Variants in RABGAP1L observed in about 807,000 individuals in gnomAD.
RABGAP1L encodes the protein rab GTPase-activating protein 1-like.
RABGAP1L carries 63 observed loss-of-function variants against 137.7 expected under a neutral mutation model. The observed-to-expected ratio is 0.46, with a 90% CI of 0.37 to 0.56. The LOEUF is 0.56. Ranked by LOEUF, RABGAP1L falls within the 20% of genes least tolerant of loss-of-function variation. The probability of loss-of-function intolerance (pLI) is 0.00; values close to 1 mark genes in which losing one functional copy is unlikely to be tolerated. For synonymous variants in RABGAP1L, 431 were observed against 433.7 expected (o/e 0.99, Z 0.08); for missense variants, 1,095 against 1,244.0 (o/e 0.88, Z 1.80).
chr1:174,688,399 A>G (rs1678634862), intron 15 of RABGAP1L, among the ~76,000 whole-genome samples: 1 of 152,114 alleles, frequency 6.6e-6, no homozygotes, highest in Non-Finnish European at 1.5e-5. Context: ...TGGCATTTAT[A>G]GAAGCTTTCC....
In RABGAP1L at chr1:174,247,302, A is replaced by G. The variant is rs192570850; in HGVS notation, c.718-3173A>G. On this transcript the variant is annotated intron_variant, in intron 5 of 25. Coordinates refer to ENST00000681986, the MANE Select transcript of RABGAP1L (RefSeq NM_001366446.1). ...CAGGTGTTCTCCTGTTTTCACATAC[A>G]GTGCTTTCTTAAAAATACGCTTAAG... Among the ~76,000 whole-genome samples, 243 of 152,308 alleles carry G rather than the reference A, an allele frequency of 1.6e-3. 1 individual carries two copies. The highest frequency in any genetic ancestry group is 5.3e-3 in the African/African-American group (221 of 41,550).
chr1:174,952,517 A>G (rs1003115979), intron 19 of RABGAP1L, among the ~76,000 whole-genome samples: 1 of 152,018 alleles, frequency 6.6e-6, no homozygotes, highest in African/African-American at 2.4e-5. Context: ...TCTCTTAAAA[A>G]AAAAAATGAT....
intron 5 of RABGAP1L, 145 bp downstream of exon 5, chr1:174,241,802 C>G: frequency 1.3e-6 from 1 of 772,320 alleles, no homozygotes; most frequent in Non-Finnish European, 2.0e-6. Context: ...TGACATAGAA[C>G]TGAATGTGGA....
intron 18 of RABGAP1L, among the ~76,000 whole-genome samples, chr1:174,777,039 T>A (rs545134502): frequency 6.6e-6 from 1 of 152,290 alleles, no homozygotes; most frequent in African/African-American, 2.4e-5. Flanking sequence ...ATAAAAAGGA[T>A]CATTAGTTTT....
At chr1:174,717,765 C>T (rs937953133) in intron 17 of RABGAP1L, among the ~76,000 whole-genome samples, 19 of 152,018 alleles carry the variant, frequency 1.2e-4, no homozygotes, top group African/African-American at 3.6e-4. Flanking sequence ...GGTGGTGAAC[C>T]GCATGATAAC....
intron 13 of RABGAP1L, among the ~76,000 whole-genome samples, chr1:174,635,253 A>T (rs1673892953): frequency 6.6e-6 from 1 of 152,170 alleles, no homozygotes; most frequent in African/African-American, 2.4e-5. Context: ...ATGTCCTGAA[A>T]AGTACAAAAA....
chr1:174,780,340 G>T (rs981860005), intron 18 of RABGAP1L, among the ~76,000 whole-genome samples: 2 of 151,964 alleles, frequency 1.3e-5, no homozygotes, highest in African/African-American at 4.8e-5. Flanking sequence ...ACCTAAACTG[G>T]AAGTGGACTC....
At chr1:174,216,954 A>T (rs1409404000) in intron 1 of RABGAP1L, among the ~76,000 whole-genome samples, 26 of 152,150 alleles carry the variant, frequency 1.7e-4, no homozygotes, top group Admixed American at 1.7e-3. Context: ...ACAATGACGT[A>T]GATTGAGGGA....
chr1:174,935,666 T>A (rs1664650875), intron 19 of RABGAP1L, among the ~76,000 whole-genome samples: 1 of 152,160 alleles, frequency 6.6e-6, no homozygotes, highest in Non-Finnish European at 1.5e-5. Context: ...ATTGTCAATA[T>A]ATGCCCAGTG....
chr1:174,413,247 C>A (rs1030354810), intron 13 of RABGAP1L, among the ~76,000 whole-genome samples: 2 of 152,172 alleles, frequency 1.3e-5, no homozygotes, highest in Non-Finnish European at 2.9e-5. Context: ...ATGGTCTCTT[C>A]TGTTGCTAAC....
intron 13 of RABGAP1L, among the ~76,000 whole-genome samples, chr1:174,529,598 G>T (rs552032789): frequency 1.3e-5 from 2 of 152,088 alleles, no homozygotes; most frequent in East Asian, 1.9e-4. Context: ...ATGTTGGCAC[G>T]TCTAGGTGGG....
chr1:174,432,941 A>G (rs1451786156), intron 13 of RABGAP1L, among the ~76,000 whole-genome samples: 1 of 152,238 alleles, frequency 6.6e-6, no homozygotes, highest in Non-Finnish European at 1.5e-5. Flanking sequence ...TCAGCATGTT[A>G]CCTGTGGTTG....
At position 174,298,519 on chromosome 1, in the gene RABGAP1L, T is replaced by G. The variant is rs376186092; in HGVS notation, c.1324-6467T>G. On this transcript the variant is annotated intron_variant, in intron 10 of 25. Coordinates refer to ENST00000681986, the MANE Select transcript of RABGAP1L (RefSeq NM_001366446.1). ...CTTTTAACTTCCCTTATTGTCTGCC[T>G]TTGGATCCTTCAGATCCAATTTTCT... Among the ~76,000 whole-genome samples the G allele has an allele frequency of 2.3e-4, 35 of 152,326 alleles. 1 individual carries two copies. The South Asian group carries it at 7.0e-3, about 31-fold the overall frequency.
At chr1:174,596,783 T>C (rs1024390276) in intron 13 of RABGAP1L, among the ~76,000 whole-genome samples, 1 of 152,210 alleles carries the variant, frequency 6.6e-6, no homozygotes, top group Non-Finnish European at 1.5e-5. Context: ...TGGGCATCTT[T>C]GTCTTGTTCC....
chr1:174,500,816 A>G (rs1372482207), intron 13 of RABGAP1L, among the ~76,000 whole-genome samples: 1 of 152,162 alleles, frequency 6.6e-6, no homozygotes, highest in Non-Finnish European at 1.5e-5. Flanking sequence ...AGTTCCAGTA[A>G]AAAACTCAGT....
At chr1:174,283,023 CA>C (rs1675712981) in intron 10 of RABGAP1L, among the ~76,000 whole-genome samples, 1 of 152,154 alleles carries the variant, frequency 6.6e-6, no homozygotes, top group Admixed American at 6.6e-5. Flanking sequence ...GTAAGCTTCC[CA>C]ACCTTTCTCA....
chr1:174,818,633 T>C (rs1244064569), intron 19 of RABGAP1L, among the ~76,000 whole-genome samples: 1 of 152,054 alleles, frequency 6.6e-6, no homozygotes, highest in East Asian at 1.9e-4. Context: ...CCCAACACTT[T>C]GGGAGGCGGA....
intron 13 of RABGAP1L, among the ~76,000 whole-genome samples, chr1:174,396,926 C>G (rs1333971686): frequency 6.6e-6 from 1 of 151,382 alleles, no homozygotes; most frequent in African/African-American, 2.4e-5. Context: ...ATGGCTTGAG[C>G]CCACGATTTC....
At chr1:174,425,375 G>A (rs962458905) in intron 13 of RABGAP1L, among the ~76,000 whole-genome samples, 5 of 151,896 alleles carry the variant, frequency 3.3e-5, no homozygotes, top group African/African-American at 1.2e-4. Flanking sequence ...TAAAAAATAA[G>A]ACAGATAGCC....
Sources: gnomAD v4.1 joint callset for allele counts (sites outside exome capture counted in the v4.1 genomes callset) on GRCh38, gnomAD v4.1.1 for gene constraint, MANE v1.5 for transcripts, NCBI Gene and HGNC (gene_info 2026-07-23, HGNC 2026-07-21) for gene names.